The following DNAI4 variants were observed in gnomAD, a reference collection of about 807,000 sequenced individuals.
DNAI4 encodes the protein dynein axonemal intermediate chain 4, also known as WD repeat domain 78.
A neutral mutation model predicts 105.8 loss-of-function variants in DNAI4; 85 were observed. That is an observed-to-expected ratio of 0.80 (90% CI 0.67 to 0.96). The LOEUF (loss-of-function observed/expected upper bound fraction) is 0.96. Ranked by LOEUF, DNAI4 falls within the 40% of genes least tolerant of loss-of-function variation. DNAI4 has a pLI of 0.00. For missense variants in DNAI4, 1,014 were observed against 1,005.6 expected (o/e 1.01, Z -0.11); for synonymous variants, 352 against 331.5 (o/e 1.06, Z -0.67).
chr1:66,889,118 C>T (rs1043577358), intron 4 of DNAI4, among the ~76,000 whole-genome samples: 1 of 152,078 alleles, frequency 6.6e-6, no homozygotes, highest in Non-Finnish European at 1.5e-5. Context: ...TATTCCAAAC[C>T]CTTTCTCTCT....
intron 7 of DNAI4, 96 bp downstream of exon 7, chr1:66,862,051 C>G: frequency 8.5e-7 from 1 of 1,179,334 alleles, no homozygotes. Context: ...TTTTCATGGT[C>G]CATTAGAAAG....
intron 13 of DNAI4, among the ~76,000 whole-genome samples, chr1:66,831,352 C>T (rs2100400634): frequency 6.6e-6 from 1 of 152,198 alleles, no homozygotes; most frequent in South Asian, 2.1e-4. Context: ...AACTATAGAT[C>T]AATCTCTCTT....
chr1:66,879,092 G>C (rs997565169), intron 4 of DNAI4, among the ~76,000 whole-genome samples: 1 of 152,096 alleles, frequency 6.6e-6, no homozygotes, highest in Non-Finnish European at 1.5e-5. Context: ...TTGGGTTTTA[G>C]TAAAGGCATG....
At chr1:66,874,742 G>T (rs1646925119) in intron 5 of DNAI4, 39 bp downstream of exon 5, 4 of 1,572,960 alleles carry the variant, frequency 2.5e-6, no homozygotes, top group Non-Finnish European at 3.4e-6. Context: ...CTTAGCATTT[G>T]AATTACAGAA....
intron 9 of DNAI4, among the ~76,000 whole-genome samples, chr1:66,839,341 AT>A (rs1646098653): frequency 6.6e-6 from 1 of 152,186 alleles, no homozygotes; most frequent in South Asian, 2.1e-4. Context: ...ATAAAGATAA[AT>A]TCATTATAAA....
At chr1:66,865,986 G>C (rs772494072) in intron 6 of DNAI4, among the ~76,000 whole-genome samples, 2 of 152,086 alleles carry the variant, frequency 1.3e-5, no homozygotes, top group Non-Finnish European at 2.9e-5. Context: ...AACTATGGAG[G>C]CCTACTGAAA....
intron 7 of DNAI4, among the ~76,000 whole-genome samples, chr1:66,859,488 A>C (rs765653040): frequency 2.0e-5 from 3 of 152,168 alleles, no homozygotes; most frequent in Non-Finnish European, 4.4e-5. Flanking sequence ...CCACACAAAA[A>C]CCTGCACATG....
intron 7 of DNAI4, among the ~76,000 whole-genome samples, chr1:66,861,904 A>C (rs564828734): frequency 6.6e-6 from 1 of 152,336 alleles, no homozygotes; most frequent in South Asian, 2.1e-4. Flanking sequence ...AAGAGAGCTT[A>C]AGAGCAAGTA....
chr1:66,833,761 G>A (rs1009932387), intron 12 of DNAI4, 55 bp from the exon 13 acceptor site: 41 of 1,573,712 alleles, frequency 2.6e-5, no homozygotes, highest in Middle Eastern at 1.7e-4. Context: ...AAAGAGTACC[G>A]CAAATATCAT....
intron 6 of DNAI4, among the ~76,000 whole-genome samples, chr1:66,868,212 A>C (rs934874730): frequency 2.6e-5 from 4 of 152,188 alleles, no homozygotes; most frequent in Non-Finnish European, 5.9e-5. Context: ...ATTTTTCCAC[A>C]TATCTATGAG....
chr1:66,920,395 A>G (rs1274435841), intron 1 of DNAI4, among the ~76,000 whole-genome samples: 1 of 152,158 alleles, frequency 6.6e-6, no homozygotes, highest in Non-Finnish European at 1.5e-5. Context: ...ACAAGAACTC[A>G]GGTGCCACGA....
rs1238250334 is a variant in DNAI4, at chr1:66,905,279, C to T, written c.267G>A (p.Met89Ile). The change falls in exon 2 of 17, where the codon ATG (methionine) becomes ATA (isoleucine). Residue 89 changes from methionine to isoleucine, a missense_variant. Physicochemically the swap from Met to Ile is conservative, Grantham distance 10. Coordinates refer to ENST00000371026, the MANE Select transcript of DNAI4 (RefSeq NM_024763.5). ...KGYTGANQSR[M>I]AVSKTVLIPP... is the part of the protein sequence containing the mutation. ...GAATAAGCACGGTTTTGGACACAGC[C>T]ATTCTGCTTTGATTTGCACCAGTAT... 6.3e-7 allele frequency: 1 copy of T among 1,586,132 alleles called. No individual in the cohort carries two copies.
At chr1:66,856,869 A>G (rs1308653246) in intron 7 of DNAI4, among the ~76,000 whole-genome samples, 4 of 152,066 alleles carry the variant, frequency 2.6e-5, no homozygotes, top group Non-Finnish European at 5.9e-5. Flanking sequence ...TTGAACACAT[A>G]TATTGGAAAA....
At position 66,847,550 on chromosome 1, in the gene DNAI4, G is replaced by A. The variant is rs758297465; in HGVS notation, c.1225C>T (p.Arg409Trp). The change falls in exon 8 of 17, where the codon CGG (arginine) becomes TGG (tryptophan). Residue 409 changes from arginine to tryptophan, a missense_variant. Physicochemically the swap from Arg to Trp is moderately radical, Grantham distance 101 (BLOSUM62 -3). Coordinates refer to ENST00000371026, the MANE Select transcript of DNAI4 (RefSeq NM_024763.5). ...TGAAATATATTTTCCATCAGAACCC[G>A]TTCCATAAAAAATAAGTCCTGATGA... ...KFHQDLFFME[R>W]VLMENIFQPK... The A allele has an allele frequency of 4.1e-5, 66 of 1,613,728 alleles. No homozygotes were observed. The South Asian group carries it at 5.3e-4, about 13-fold the overall frequency.
chr1:66,919,223 C>T lies in DNAI4; in HGVS notation c.170+5439G>A, dbSNP rs371584077. 2.5e-3 allele frequency: 717 copies of T among 287,520 alleles called. 16 individuals carry two copies. The highest frequency in any genetic ancestry group is 0.021 in the South Asian group (677 of 31,564). The allele number at this position is 287,520 out of a possible 1,614,324, so 17.8% of individuals were successfully genotyped here. A position where few individuals can be genotyped will look rare whatever the true frequency, so the allele number is the denominator to read the frequency against. On this transcript the variant is annotated intron_variant, in intron 1 of 16. Coordinates refer to ENST00000371026, the MANE Select transcript of DNAI4 (RefSeq NM_024763.5). ...ACATCCTGAACCTTGGCACAATAAACTTTCTAAATTAACTGAGACCTGTCT... is the reference window on the plus strand; with the variant it reads ...ACATCCTGAACCTTGGCACAATAAATTTTCTAAATTAACTGAGACCTGTCT...
intron 8 of DNAI4, among the ~76,000 whole-genome samples, chr1:66,844,902 GAC>G (rs1245641474): frequency 1.3e-5 from 2 of 151,960 alleles, no homozygotes; most frequent in Non-Finnish European, 2.9e-5. Flanking sequence ...TTTTTTAAAA[GAC>G]AATTCAGGCT....
intron 4 of DNAI4, 104 bp from the exon 5 acceptor site, chr1:66,875,041 G>T (rs1646932179): frequency 3.6e-6 from 4 of 1,100,036 alleles, no homozygotes; most frequent in African/African-American, 3.2e-5. Context: ...TATTGCAGGT[G>T]GTTTATATAG....
At chr1:66,911,408 T>C (rs1014571766) in intron 1 of DNAI4, among the ~76,000 whole-genome samples, 14 of 152,254 alleles carry the variant, frequency 9.2e-5, no homozygotes, top group African/African-American at 3.1e-4. Flanking sequence ...GCATGATTGA[T>C]GAAACTGTTG....
intron 4 of DNAI4, among the ~76,000 whole-genome samples, chr1:66,876,946 A>T (rs1397868284): frequency 6.6e-6 from 1 of 152,126 alleles, no homozygotes; most frequent in East Asian, 1.9e-4. Context: ...GTGGTCTAGA[A>T]CCTTTCGTGA....
Sources: gnomAD v4.1 joint callset for allele counts (sites outside exome capture counted in the v4.1 genomes callset) on GRCh38, gnomAD v4.1.1 for gene constraint, MANE v1.5 for transcripts, NCBI Gene and HGNC (gene_info 2026-07-23, HGNC 2026-07-21) for gene names.